The following EXT2 variants were observed in gnomAD, a reference collection of about 807,000 sequenced individuals.
EXT2 encodes the protein exostosin glycosyltransferase 2, also known as exostosin-2.
Under a neutral mutation model 81.6 loss-of-function variants are expected in EXT2, and 53 were observed. That is an observed-to-expected ratio of 0.65 (90% CI 0.52 to 0.82). EXT2 has a LOEUF of 0.82. EXT2 is among the 40% of genes least tolerant of loss of function. EXT2 has a pLI of 0.00. For missense variants in EXT2, 774 were observed against 910.2 expected, an observed-to-expected ratio of 0.85 and a Z score of 1.93; for synonymous variants, 320 against 340.0, an observed-to-expected ratio of 0.94 and a Z score of 0.65.
intron 8 of EXT2, among the ~76,000 whole-genome samples, chr11:44,188,642 A>G (rs1024752498): frequency 2.0e-5 from 3 of 152,226 alleles, no homozygotes; most frequent in Admixed American, 6.5e-5. Context: ...GCTCACAACC[A>G]TAAAGCTATA....
rs758785296 is a variant in EXT2, at chr11:44,126,919, A to G, written c.1043A>G (p.Tyr348Cys). 22 of 1,613,986 alleles carry G rather than the reference A, an allele frequency of 1.4e-5. No homozygotes were observed. The highest frequency in any genetic ancestry group is 5.3e-5 in the African/African-American group (4 of 74,878). Residue 348 changes from tyrosine (Y) to cysteine (C), a missense_variant, in exon 6 of 14, where the codon TAT (tyrosine) becomes TGT (cysteine). Tyr to Cys is a radical substitution (Grantham distance 194). This residue lies in a region of EXT2 where 626 missense variants were observed against 670.5 expected (regional missense o/e 0.93). Coordinates refer to ENST00000533608, the MANE Select transcript of EXT2 (RefSeq NM_207122.2). ...GCVPVVIADS[Y>C]ILPFSEVLDW... ...GTCCCGGTTGTCATTGCAGACTCCT[A>G]TATTTTGCCTTTCTCTGAAGTTCTT...
At chr11:44,097,938 C>T (rs1953924939) in intron 1 of EXT2, among the ~76,000 whole-genome samples, 1 of 152,184 alleles carries the variant, frequency 6.6e-6, no homozygotes. Context: ...ACAGAAAATG[C>T]ATCTCATCCT....
intron 9 of EXT2, among the ~76,000 whole-genome samples, chr11:44,205,684 C>A (rs969043498): frequency 7.9e-5 from 12 of 152,236 alleles, no homozygotes; most frequent in African/African-American, 2.9e-4. Context: ...GTTAAGGCAG[C>A]TTTTCTCCTA....
chr11:44,187,240 T>C (rs1010202213), intron 8 of EXT2, among the ~76,000 whole-genome samples: 1 of 152,048 alleles, frequency 6.6e-6, no homozygotes, highest in Admixed American at 6.6e-5. Flanking sequence ...TGCAATGGCA[T>C]GATCACAGCT....
intron 7 of EXT2, among the ~76,000 whole-genome samples, chr11:44,168,886 A>G (rs1955031521): frequency 6.6e-6 from 1 of 152,226 alleles, no homozygotes; most frequent in Non-Finnish European, 1.5e-5. Context: ...GATATGCATT[A>G]AGAAAAGAAA....
chr11:44,235,413 T>G (rs1369258801), intron 12 of EXT2, among the ~76,000 whole-genome samples: 1 of 151,740 alleles, frequency 6.6e-6, no homozygotes, highest in African/African-American at 2.4e-5. Context: ...GGCTAATTTT[T>G]TTTTTGTATT....
intron 4 of EXT2, among the ~76,000 whole-genome samples, chr11:44,118,458 A>G (rs775346166): frequency 6.6e-6 from 1 of 152,202 alleles, no homozygotes; most frequent in Non-Finnish European, 1.5e-5. Flanking sequence ...AACATAATGT[A>G]TACCCACAGC....
rs112219765 is a variant in EXT2, at chr11:44,212,918, C to G, written c.1662+5959C>G. On this transcript the variant is annotated intron_variant, in intron 10 of 13. Coordinates refer to ENST00000533608, the MANE Select transcript of EXT2 (RefSeq NM_207122.2). ...GGGGATGGGATTGACCACAAAAAAGCAAGAAGGAGCTTTTCAGGTGATGGA... is the reference window on the plus strand; with the variant it reads ...GGGGATGGGATTGACCACAAAAAAGGAAGAAGGAGCTTTTCAGGTGATGGA... 1.9e-3 allele frequency among the ~76,000 whole-genome samples: 282 copies of G among 152,070 alleles called. 1 individual carries two copies. The highest frequency in any genetic ancestry group is 6.3e-3 in the African/African-American group (263 of 41,510).
In EXT2 at chr11:44,125,432, G is replaced by C. The variant is rs1954386270; in HGVS notation, c.939+448G>C. On this transcript the variant is annotated intron_variant, in intron 5 of 13. Coordinates refer to ENST00000533608, the MANE Select transcript of EXT2 (RefSeq NM_207122.2). ...GAGGGGTTTAGGGGTTGTTTTGATT[G>C]TTTTGCTATTTGGAGTTCTTGCCAC... 2.0e-5 allele frequency among the ~76,000 whole-genome samples: 3 copies of C among 152,132 alleles called. No homozygotes were observed. The South Asian group carries it at 6.2e-4, about 32-fold the overall frequency.
intron 8 of EXT2, among the ~76,000 whole-genome samples, chr11:44,185,428 G>A (rs898996769): frequency 6.6e-6 from 1 of 152,074 alleles, no homozygotes; most frequent in African/African-American, 2.4e-5. Context: ...TTTGAAAAAG[G>A]AAGGCTTCAT....
chr11:44,242,162 C>T (rs1419526205), intron 13 of EXT2, among the ~76,000 whole-genome samples: 2 of 152,172 alleles, frequency 1.3e-5, no homozygotes, highest in Admixed American at 6.5e-5. Context: ...CTTGCTAGTA[C>T]CTATGCTGGG....
chr11:44,127,015 T>C lies in EXT2; in HGVS notation c.1079+60T>C, dbSNP rs140360347. Reference sequence around the variant, plus strand: ...GGTTCTGCGTATATTACAAATAAAATCTCCTCAGGTCATTGTAATGTATAC... The same window carrying C: ...GGTTCTGCGTATATTACAAATAAAACCTCCTCAGGTCATTGTAATGTATAC... On this transcript the variant is annotated intron_variant, in intron 6 of 13. Transcript: ENST00000533608. The C allele has an allele frequency of 1.4e-5, 22 of 1,591,128 alleles. No individual in the cohort carries two copies. In the East Asian group the frequency reaches 4.5e-4, roughly 32 times the overall value.
chr11:44,249,022 A>G lies in EXT2; in HGVS notation c.*4735A>G, dbSNP rs937879077. On this transcript the variant is annotated 3_prime_UTR_variant, in exon 14 of 14. Transcript: ENST00000533608. ...TTTTTTGTTTTTTCTTTGGAAACAG[A>G]GTCTCACTCTGTCCCATAGGCTGGA... is the stretch of plus-strand genomic sequence containing the variant. Among the ~76,000 whole-genome samples, 18 of 151,882 alleles carry G rather than the reference A, an allele frequency of 1.2e-4. No individual in the cohort carries two copies. The highest frequency in any genetic ancestry group is 3.9e-4 in the African/African-American group (16 of 41,334).
intron 4 of EXT2, among the ~76,000 whole-genome samples, chr11:44,119,349 A>G (rs1954284139): frequency 6.6e-6 from 1 of 151,798 alleles, no homozygotes; most frequent in South Asian, 2.1e-4. Context: ...ACAGTCAGAG[A>G]GGTAGAAGAC....
At chr11:44,103,086 T>C (rs984672516) in intron 1 of EXT2, among the ~76,000 whole-genome samples, 1 of 152,178 alleles carries the variant, frequency 6.6e-6, no homozygotes, top group Non-Finnish European at 1.5e-5. Context: ...CAGATGTCAT[T>C]GATATTCTCT....
intron 7 of EXT2, among the ~76,000 whole-genome samples, chr11:44,143,939 A>C (rs964750661): frequency 1.3e-5 from 2 of 152,208 alleles, no homozygotes; most frequent in African/African-American, 4.8e-5. Flanking sequence ...CTGTCATGAT[A>C]GCAGCATTGG....
At chr11:44,123,075 G>T (rs534460974) in intron 4 of EXT2, among the ~76,000 whole-genome samples, 9 of 152,232 alleles carry the variant, frequency 5.9e-5, no homozygotes, top group Admixed American at 2.6e-4. Flanking sequence ...GGTATAGGTT[G>T]CTCTTTTCTC....
intron 4 of EXT2, among the ~76,000 whole-genome samples, chr11:44,117,821 G>T (rs1250199872): frequency 6.6e-6 from 1 of 152,106 alleles, no homozygotes; most frequent in Non-Finnish European, 1.5e-5. Context: ...GATCGAATGG[G>T]TGGGATCATA....
chr11:44,203,381 T>C (rs1955543302), intron 9 of EXT2, among the ~76,000 whole-genome samples: 1 of 152,136 alleles, frequency 6.6e-6, no homozygotes, highest in South Asian at 2.1e-4. Flanking sequence ...ACTAATCACA[T>C]CCACTGGATT....
Sources: allele counts gnomAD v4.1 joint callset (sites outside exome capture counted in the v4.1 genomes callset), GRCh38; gene constraint gnomAD v4.1.1; regional missense constraint gnomAD v4.1.1; transcripts MANE v1.5; gene names NCBI Gene and HGNC (gene_info 2026-07-23, HGNC 2026-07-21).